The following CFAP299 variants were observed in gnomAD, a reference collection of about 807,000 sequenced individuals.
CFAP299 encodes the protein cilia- and flagella-associated protein 299.
Under a neutral mutation model 27.0 loss-of-function variants are expected in CFAP299, and 21 were observed. That is an observed-to-expected ratio of 0.78 (90% CI 0.55 to 1.12). CFAP299 has a LOEUF of 1.12. CFAP299 is among the 50% of genes most tolerant of loss of function. The pLI is 0.00. For missense variants in CFAP299, 310 were observed against 276.6 expected (o/e 1.12, Z -0.86); for synonymous variants, 104 against 98.1 (o/e 1.06, Z -0.36).
chr4:80,818,531 T>C (rs1050534223), intron 3 of CFAP299, among the ~76,000 whole-genome samples: 9 of 152,140 alleles, frequency 5.9e-5, no homozygotes, highest in South Asian at 4.1e-4. Context: ...GTTATTGAAG[T>C]TTTACAATCT....
intron 2 of CFAP299, among the ~76,000 whole-genome samples, chr4:80,363,603 A>G (rs1401740761): frequency 6.6e-6 from 1 of 152,184 alleles, no homozygotes; most frequent in African/African-American, 2.4e-5. Context: ...CTTCCCATGT[A>G]CACATTATAA....
chr4:80,704,774 A>G (rs1227917166), intron 3 of CFAP299, among the ~76,000 whole-genome samples: 1 of 151,824 alleles, frequency 6.6e-6, no homozygotes, highest in Non-Finnish European at 1.5e-5. Context: ...TATGTCTGCA[A>G]ATGTAGCAAG....
intron 3 of CFAP299, among the ~76,000 whole-genome samples, chr4:80,857,218 T>C (rs1210992320): frequency 6.6e-6 from 1 of 152,202 alleles, no homozygotes; most frequent in East Asian, 1.9e-4. Flanking sequence ...CTGTTATTGG[T>C]ATATAAGAAT....
intron 4 of CFAP299, among the ~76,000 whole-genome samples, chr4:80,925,041 G>C (rs186649359): frequency 2.0e-5 from 3 of 151,882 alleles, no homozygotes; most frequent in African/African-American, 7.2e-5. Context: ...TTTTATTTAT[G>C]ACTTCTCTTG....
At chr4:80,834,980 G>A (rs1354842721) in intron 3 of CFAP299, among the ~76,000 whole-genome samples, 1 of 152,148 alleles carries the variant, frequency 6.6e-6, no homozygotes, top group Non-Finnish European at 1.5e-5. Flanking sequence ...AAAGTAGAAA[G>A]TTGTATTAAA....
intron 3 of CFAP299, among the ~76,000 whole-genome samples, chr4:80,826,949 C>T (rs1446140718): frequency 1.3e-5 from 2 of 151,778 alleles, no homozygotes; most frequent in Non-Finnish European, 3.0e-5. Context: ...ACAACACATT[C>T]TTAAACCACC....
intron 3 of CFAP299, among the ~76,000 whole-genome samples, chr4:80,604,660 C>T (rs2109906772): frequency 6.6e-6 from 1 of 152,254 alleles, no homozygotes; most frequent in South Asian, 2.1e-4. Context: ...TTTAGGCAAA[C>T]ATGAAAAGGT....
chr4:80,832,687 G>T (rs72881532), intron 3 of CFAP299, among the ~76,000 whole-genome samples: 22,241 of 151,956 alleles, frequency 0.15, 1,928 homozygotes, highest in African/African-American at 0.25. Context: ...ATTTTCGGAG[G>T]TATAGCGTTT....
At chr4:80,701,616 C>T (rs772388543) in intron 3 of CFAP299, among the ~76,000 whole-genome samples, 35 of 152,014 alleles carry the variant, frequency 2.3e-4, no homozygotes, top group Middle Eastern at 3.4e-3. Context: ...ATTTTTCCCA[C>T]AAAAGTTTGA....
At position 80,465,411 on chromosome 4, in the gene CFAP299, G is replaced by T. The variant is rs1447283869; in HGVS notation, c.242+102527G>T. 2.6e-5 allele frequency among the ~76,000 whole-genome samples: 4 copies of T among 152,174 alleles called. No individual in the cohort carries two copies. In the East Asian group the frequency reaches 7.7e-4, roughly 29 times the overall value. On this transcript the variant is annotated intron_variant, in intron 2 of 5. Transcript: ENST00000358105. ...GAATGCCAGAGAAAAGAAGGGCAGG[G>T]TTTGTCACCTCAGACAAGAGGGAGA...
chr4:80,663,809 C>G (rs946324836), intron 3 of CFAP299, among the ~76,000 whole-genome samples: 1 of 152,148 alleles, frequency 6.6e-6, no homozygotes, highest in Non-Finnish European at 1.5e-5. Flanking sequence ...TGTTTACTGA[C>G]GTTTTAATGA....
intron 3 of CFAP299, among the ~76,000 whole-genome samples, chr4:80,789,269 A>G (rs1396137217): frequency 6.6e-6 from 1 of 152,002 alleles, no homozygotes; most frequent in Admixed American, 6.6e-5. Context: ...TTGCAGTCCT[A>G]AAATCTGGGC....
At chr4:80,859,707 T>G (rs889677223) in intron 3 of CFAP299, among the ~76,000 whole-genome samples, 16 of 152,280 alleles carry the variant, frequency 1.1e-4, no homozygotes, top group African/African-American at 3.4e-4. Context: ...CGGTTGAAAA[T>G]TCTTTTCTTT....
At chr4:80,495,830 C>G in intron 2 of CFAP299, among the ~76,000 whole-genome samples, 1 of 152,188 alleles carries the variant, frequency 6.6e-6, no homozygotes, top group Admixed American at 6.5e-5. Flanking sequence ...CTTACCATTG[C>G]TCATGACCCT....
intron 2 of CFAP299, among the ~76,000 whole-genome samples, chr4:80,395,958 C>G (rs1725760112): frequency 6.6e-6 from 1 of 152,088 alleles, no homozygotes; most frequent in African/African-American, 2.4e-5. Context: ...CACATACACA[C>G]AAATACACAC....
intron 2 of CFAP299, among the ~76,000 whole-genome samples, chr4:80,514,440 A>T (rs115138887): frequency 6.6e-6 from 1 of 152,240 alleles, no homozygotes; most frequent in East Asian, 1.9e-4. Context: ...AAAAACGCGT[A>T]TATCTTAAAA....
intron 2 of CFAP299, among the ~76,000 whole-genome samples, chr4:80,519,912 A>C (rs1732816943): frequency 6.6e-6 from 1 of 152,150 alleles, no homozygotes; most frequent in Non-Finnish European, 1.5e-5. Context: ...CTGCAGTCTC[A>C]TTTGGAGCTC....
chr4:80,387,731 G>A, intron 2 of CFAP299: 1 of 1,582,736 alleles, frequency 6.3e-7, no homozygotes, highest in Non-Finnish European at 8.7e-7. Context: ...TCACCTGTGT[G>A]GCTTCAGATG....
intron 1 of CFAP299, among the ~76,000 whole-genome samples, chr4:80,354,328 T>C (rs1381195416): frequency 1.3e-5 from 2 of 152,330 alleles, no homozygotes; most frequent in East Asian, 1.9e-4. Context: ...TTTTATTGTA[T>C]ATATACTTAA....
Sources: allele counts gnomAD v4.1 joint callset (sites outside exome capture counted in the v4.1 genomes callset), GRCh38; gene constraint gnomAD v4.1.1; transcripts MANE v1.5; gene names NCBI Gene and HGNC (gene_info 2026-07-23, HGNC 2026-07-21).